The following GRAMD1B variants were observed in gnomAD, a reference collection of about 807,000 sequenced individuals.
GRAMD1B encodes the protein GRAM domain containing 1B.
Under a neutral mutation model 99.7 loss-of-function variants are expected in GRAMD1B, and 37 were observed. The ratio of observed to expected loss-of-function variants is 0.37; its 90% CI spans 0.29 to 0.49. GRAMD1B has a LOEUF of 0.49. GRAMD1B is among the 20% of genes least tolerant of loss of function. GRAMD1B has a pLI of 0.98. For missense variants in GRAMD1B, 888 were observed against 1,009.2 expected (o/e 0.88, Z 1.63); for synonymous variants, 427 against 387.6 (o/e 1.10, Z -1.19).
chr11:123,592,139 G>A (rs993548329), intron 4 of GRAMD1B, among the ~76,000 whole-genome samples: 2 of 152,170 alleles, frequency 1.3e-5, no homozygotes, highest in Non-Finnish European at 2.9e-5. Context: ...TCTCCTGGTC[G>A]GCTGCTCCTC....
chr11:123,571,220 C>T (rs763404280), intron 2 of GRAMD1B, among the ~76,000 whole-genome samples: 10 of 152,238 alleles, frequency 6.6e-5, no homozygotes, highest in African/African-American at 1.4e-4. Context: ...GAAAAATGCA[C>T]GGGTAGCTGA....
chr11:123,586,850 C>T (rs1310255617), intron 4 of GRAMD1B, among the ~76,000 whole-genome samples: 1 of 152,210 alleles, frequency 6.6e-6, no homozygotes, highest in Non-Finnish European at 1.5e-5. Flanking sequence ...AACCTCTCTC[C>T]GGATCCCAGG....
chr11:123,487,886 C>T lies in GRAMD1B; in HGVS notation c.452+6993C>T, dbSNP rs570430507. On this transcript the variant is annotated intron_variant, in intron 2 of 19. Transcript: ENST00000635736. ...CCTCCCCAAGTTCTGGGATTACAGA[C>T]GTGAGCCACGGCACCCAGCTGCCAC... Among the ~76,000 whole-genome samples the T allele has an allele frequency of 5.9e-5, 9 of 152,320 alleles. No homozygotes were observed. The South Asian group carries it at 1.4e-3, about 25-fold the overall frequency.
rs373920967 is a variant in GRAMD1B at position 123,366,261 on chromosome 11, T to C, written c.-176+7462T>C. Among the ~76,000 whole-genome samples, 20 of 152,360 alleles carry C rather than the reference T, an allele frequency of 1.3e-4. No homozygotes were observed. In the East Asian group the frequency reaches 3.3e-3, roughly 25 times the overall value. On this transcript the variant is annotated intron_variant, in intron 1 of 20. Coordinates refer to the GRAMD1B transcript ENST00000638157. ...TTAGATCAACCCAAGCTGAATGATATATTTTGGCTTGTCGAAAAGCAGGAA... is the reference window on the plus strand; with the variant it reads ...TTAGATCAACCCAAGCTGAATGATACATTTTGGCTTGTCGAAAAGCAGGAA...
At chr11:123,538,760 C>T (rs538241748) in intron 2 of GRAMD1B, among the ~76,000 whole-genome samples, 54 of 152,076 alleles carry the variant, frequency 3.6e-4, no homozygotes, top group Non-Finnish European at 6.3e-4. Flanking sequence ...GCTGGGACTA[C>T]AGGCACGCAT....
Position 123,430,593 on chromosome 11 carries a change from A to T in GRAMD1B, c.-200A>T, listed in dbSNP as rs1005344121. The T allele has an allele frequency of 1.1e-5, 5 of 452,298 alleles. No individual in the cohort carries two copies. Among genetic ancestry groups the T allele is most frequent in the African/African-American group, 2.1e-5 (1 of 48,682 alleles). The allele number at this position is 452,298 out of a possible 1,614,324, so 28.0% of individuals were successfully genotyped here. On this transcript the variant is annotated 5_prime_UTR_variant, in exon 1 of 20. Coordinates refer to ENST00000635736, the MANE Select transcript of GRAMD1B (RefSeq NM_001387025.1). The stretch of plus-strand genomic sequence containing the variant: ...ACGGCCCGGAGGACGCGCGCTCCGA[A>T]AAGTTAGACTCCGGGCGGCGGCGCG...
intron 19 of GRAMD1B, among the ~76,000 whole-genome samples, chr11:123,621,063 A>G (rs1955070945): frequency 6.6e-6 from 1 of 152,164 alleles, no homozygotes; most frequent in African/African-American, 2.4e-5. Context: ...CTACCCTACA[A>G]GTATTAAGAG....
chr11:123,564,888 TG>T (rs2136059658), intron 2 of GRAMD1B, among the ~76,000 whole-genome samples: 1 of 152,332 alleles, frequency 6.6e-6, no homozygotes, highest in African/African-American at 2.4e-5. Flanking sequence ...AGGGGCTTCC[TG>T]GGAGAGTTTA....
chr11:123,487,820 T>C (rs973383803), intron 2 of GRAMD1B, among the ~76,000 whole-genome samples: 7 of 152,178 alleles, frequency 4.6e-5, no homozygotes, highest in Non-Finnish European at 1.0e-4. Flanking sequence ...TTGGCCAGGC[T>C]GGTCTCAACC....
At chr11:123,597,129 CTTTT>C (rs35382306) in intron 7 of GRAMD1B, among the ~76,000 whole-genome samples, 4 of 137,072 alleles carry the variant, frequency 2.9e-5, no homozygotes, top group Admixed American at 7.4e-5. Flanking sequence ...AGTCCAACTC[CTTTT>C]TTTTTTTTTT....
chr11:123,462,891 T>TAAATAAA (rs1950497568), intron 1 of GRAMD1B, among the ~76,000 whole-genome samples: 17 of 111,364 alleles, frequency 1.5e-4, no homozygotes, highest in Non-Finnish European at 2.6e-4. Flanking sequence ...AAAAATAAAT[T>TAAATAAA]AAAAAAAAAA....
At chr11:123,505,569 A>G (rs1179610263) in intron 2 of GRAMD1B, among the ~76,000 whole-genome samples, 1 of 152,324 alleles carries the variant, frequency 6.6e-6, no homozygotes, top group Admixed American at 6.5e-5. Flanking sequence ...TATCTCAGTT[A>G]ATCTTTGTAA....
At chr11:123,599,059 C>A in intron 7 of GRAMD1B, 1 of 1,040,600 alleles carries the variant, frequency 9.6e-7, no homozygotes, top group South Asian at 1.3e-5. Context: ...CCCTCTTCAT[C>A]TGTGAACTCC....
At chr11:123,609,249 TAAG>T (rs1046041665) in intron 12 of GRAMD1B, among the ~76,000 whole-genome samples, 1 of 152,162 alleles carries the variant, frequency 6.6e-6, no homozygotes, top group African/African-American at 2.4e-5. Context: ...CTCATGCAGC[TAAG>T]AAGGAGCTAG....
chr11:123,584,600 C>G (rs1008622897), intron 4 of GRAMD1B, among the ~76,000 whole-genome samples: 10 of 152,106 alleles, frequency 6.6e-5, no homozygotes, highest in East Asian at 1.9e-4. Context: ...TCTGTCAACC[C>G]TAAAAGAGGA....
rs1156335471 is a variant in GRAMD1B, at chr11:123,568,456, G to C, written c.453-8911G>C. Among the ~76,000 whole-genome samples the C allele has an allele frequency of 2.6e-5, 4 of 152,308 alleles. No individual in the cohort carries two copies. The East Asian group carries it at 5.8e-4, about 22-fold the overall frequency. ...TGAACACCTTGTACACTTCACCCAAGATCCCCATTTGGAAAGGCCTCCAGG... is the reference window on the plus strand; with the variant it reads ...TGAACACCTTGTACACTTCACCCAACATCCCCATTTGGAAAGGCCTCCAGG... On this transcript the variant is annotated intron_variant, in intron 2 of 19. Coordinates refer to ENST00000635736, the MANE Select transcript of GRAMD1B (RefSeq NM_001387025.1).
At chr11:123,599,362 AC>A (rs748002783) in intron 7 of GRAMD1B, 9 of 691,256 alleles carry the variant, frequency 1.3e-5, no homozygotes, top group Non-Finnish European at 2.2e-5. Context: ...CAGAGCATGG[AC>A]TTTTTAGTGA....
intron 2 of GRAMD1B, among the ~76,000 whole-genome samples, chr11:123,548,294 ATAT>A (rs1222974158): frequency 4.0e-4 from 9 of 22,344 alleles, no homozygotes; most frequent in East Asian, 1.6e-3. Flanking sequence ...GTGCCAAAAT[ATAT>A]ATATATATAT....
chr11:123,536,080 A>G (rs116114174), intron 2 of GRAMD1B, among the ~76,000 whole-genome samples: 1,609 of 152,242 alleles, frequency 0.011, 26 homozygotes, highest in African/African-American at 0.037. Context: ...GTGACTATGG[A>G]GAAGTCACTT....
Sources: allele counts gnomAD v4.1 joint callset (sites outside exome capture counted in the v4.1 genomes callset), GRCh38; gene constraint gnomAD v4.1.1; transcripts MANE v1.5; gene names NCBI Gene and HGNC (gene_info 2026-07-23, HGNC 2026-07-21).